Variants in PHLPP1 observed in about 807,000 individuals in gnomAD.
PHLPP1 encodes PH domain and leucine rich repeat protein phosphatase 1, also known as PH domain leucine-rich repeat-containing protein phosphatase 1.
PHLPP1 carries 42 observed loss-of-function variants against 117.2 expected under a neutral mutation model. The observed-to-expected ratio is 0.36, with a 90% CI of 0.28 to 0.46. PHLPP1 has a LOEUF of 0.46. Ranked by LOEUF, PHLPP1 falls within the 20% of genes least tolerant of loss-of-function variation. The probability of loss-of-function intolerance (pLI) is 1.00; values close to 1 mark genes in which losing one functional copy is unlikely to be tolerated. For synonymous variants in PHLPP1, 1,042 were observed against 970.7 expected (o/e 1.07, Z -1.37); for missense variants, 2,084 against 2,241.9 (o/e 0.93, Z 1.42).
chr18:62,946,850 G>A (rs1249571368), intron 12 of PHLPP1, among the ~76,000 whole-genome samples: 1 of 152,092 alleles, frequency 6.6e-6, no homozygotes, highest in East Asian at 2.0e-4. Context: ...TCAGGAGATC[G>A]AGACCATCCT....
chr18:62,871,484 C>T (rs544277578), intron 4 of PHLPP1, among the ~76,000 whole-genome samples: 1 of 151,906 alleles, frequency 6.6e-6, no homozygotes, highest in African/African-American at 2.4e-5. Context: ...TGCACCACCA[C>T]ACCCGGGCTA....
intron 6 of PHLPP1, among the ~76,000 whole-genome samples, chr18:62,899,571 G>T (rs1215633233): frequency 2.6e-5 from 4 of 152,110 alleles, no homozygotes. Flanking sequence ...CCACATACCT[G>T]TAGTTCCTGT....
chr18:62,776,529 CT>C (rs542069593), intron 1 of PHLPP1, among the ~76,000 whole-genome samples: 148 of 152,128 alleles, frequency 9.7e-4, no homozygotes, highest in African/African-American at 3.4e-3. Flanking sequence ...CTTTTTGCAT[CT>C]GCTCACTTGT....
chr18:62,736,408 G>A (rs1177230451), intron 1 of PHLPP1, among the ~76,000 whole-genome samples: 2 of 152,164 alleles, frequency 1.3e-5, no homozygotes, highest in African/African-American at 4.8e-5. Flanking sequence ...GGCAGTGGGA[G>A]GGAGTAAAGG....
chr18:62,818,796 G>A (rs924220393), intron 1 of PHLPP1, among the ~76,000 whole-genome samples: 1 of 151,936 alleles, frequency 6.6e-6, no homozygotes, highest in African/African-American at 2.4e-5. Flanking sequence ...GGGTGGGCAA[G>A]GGGGAGGTTA....
intron 10 of PHLPP1, among the ~76,000 whole-genome samples, chr18:62,928,598 T>C (rs1909716198): frequency 1.3e-5 from 2 of 152,166 alleles, no homozygotes; most frequent in South Asian, 2.1e-4. Flanking sequence ...GGAAAACAGA[T>C]TGTCAGTTCC....
At chr18:62,964,812 T>C (rs1328906754) in intron 14 of PHLPP1, among the ~76,000 whole-genome samples, 9 of 152,214 alleles carry the variant, frequency 5.9e-5, no homozygotes, top group Non-Finnish European at 1.3e-4. Flanking sequence ...TGAACACTAA[T>C]GTGAAATCTA....
chr18:62,811,551 T>A (rs1914119874), intron 1 of PHLPP1, among the ~76,000 whole-genome samples: 1 of 151,812 alleles, frequency 6.6e-6, no homozygotes, highest in Admixed American at 6.6e-5. Context: ...TGTCTTTTTT[T>A]TTTTTTTAAC....
At chr18:62,940,695 G>A (rs1323437840) in intron 10 of PHLPP1, among the ~76,000 whole-genome samples, 3 of 152,094 alleles carry the variant, frequency 2.0e-5, no homozygotes, top group African/African-American at 7.2e-5. Context: ...CATCTGAAAA[G>A]TGTGGCAGCA....
intron 13 of PHLPP1, among the ~76,000 whole-genome samples, chr18:62,959,969 T>C (rs1910719223): frequency 1.3e-5 from 2 of 152,154 alleles, no homozygotes; most frequent in African/African-American, 2.4e-5. Context: ...CCTCCATCTG[T>C]CCACACCTAT....
chr18:62,818,964 T>C (rs1914368125), intron 1 of PHLPP1, among the ~76,000 whole-genome samples: 1 of 152,234 alleles, frequency 6.6e-6, no homozygotes. Flanking sequence ...CACAGTAATA[T>C]ACCATTATAT....
In PHLPP1 at chr18:62,895,290, G is replaced by T. The variant is rs1034336090; in HGVS notation, c.2213+133G>T. The T allele has an allele frequency of 1.4e-5, 12 of 828,392 alleles. No homozygotes were observed. The South Asian group carries it at 2.1e-4, about 15-fold the overall frequency. The allele number at this position is 828,392 out of a possible 1,614,324, so 51.3% of individuals were successfully genotyped here. A position where few individuals can be genotyped will look rare whatever the true frequency, so the allele number is the denominator to read the frequency against. On this transcript the variant is annotated intron_variant, in intron 5 of 16. Coordinates refer to ENST00000262719, the MANE Select transcript of PHLPP1 (RefSeq NM_194449.4). The stretch of plus-strand genomic sequence containing the variant: ...CTTGGCCCCAAATCAAGAGATCAGG[G>T]ACTATGTAGTCCGTATGGAGTTCAT...
intron 12 of PHLPP1, among the ~76,000 whole-genome samples, chr18:62,950,034 C>T (rs1910408020): frequency 6.6e-6 from 1 of 152,092 alleles, no homozygotes; most frequent in South Asian, 2.1e-4. Flanking sequence ...TGTTCTAACC[C>T]GTTTTTGAAG....
intron 4 of PHLPP1, chr18:62,889,644 G>C (rs903925312): frequency 6.6e-6 from 1 of 152,254 alleles, no homozygotes; most frequent in South Asian, 2.1e-4. Context: ...GGGCACATGG[G>C]TGCACACACT....
In PHLPP1 at chr18:62,978,276, C is replaced by T. The variant is rs34061095; in HGVS notation, c.3999C>T (p.Asn1333=). 116,302 of 1,596,724 alleles carry T rather than the reference C, an allele frequency of 0.073. 4,978 individuals are homozygous for T. The highest frequency in any genetic ancestry group is 0.084 in the Non-Finnish European group (98,394 of 1,166,932). Residue 1333 remains asparagine, a synonymous_variant, in exon 17 of 17, where the codon AAC becomes AAT. Transcript: ENST00000262719. This position sits in a 1 kb window ranked among gnomAD's most constrained non-coding sequence, Gnocchi z 7.0. The stretch of plus-strand genomic sequence containing the variant: ...TGTTCTTCCAGGATGGCAAGGTGAA[C>T]GGAGTGACTGAGTCCACGCGCATCC... ...KAIITEDGKV[N]GVTESTRILG...
chr18:62,964,187 A>G (rs1910844352), intron 14 of PHLPP1, among the ~76,000 whole-genome samples: 1 of 152,210 alleles, frequency 6.6e-6, no homozygotes, highest in Non-Finnish European at 1.5e-5. Context: ...ATAAGAACAC[A>G]GAAGTATTGT....
intron 13 of PHLPP1, among the ~76,000 whole-genome samples, chr18:62,959,934 C>G (rs1282708563): frequency 6.6e-6 from 1 of 152,106 alleles, no homozygotes; most frequent in Non-Finnish European, 1.5e-5. Flanking sequence ...TTGTTGATCA[C>G]ATGTATGAAA....
At chr18:62,962,746 G>A (rs1208377254) in intron 13 of PHLPP1, among the ~76,000 whole-genome samples, 3 of 152,138 alleles carry the variant, frequency 2.0e-5, no homozygotes, top group African/African-American at 7.2e-5. Flanking sequence ...CAGTTAACTT[G>A]TAATTTATTA....
chr18:62,721,029 T>C (rs1332419450), intron 1 of PHLPP1, among the ~76,000 whole-genome samples: 2 of 152,200 alleles, frequency 1.3e-5, no homozygotes, highest in Non-Finnish European at 2.9e-5. Context: ...CGTATCACTT[T>C]CCATGAATCG....
Sources: gnomAD v4.1 joint callset for allele counts (sites outside exome capture counted in the v4.1 genomes callset) on GRCh38, gnomAD v4.1.1 for gene constraint, Gnocchi (gnomAD v3.1) non-coding constraint, MANE v1.5 for transcripts, NCBI Gene and HGNC (gene_info 2026-07-23, HGNC 2026-07-21) for gene names.